LHFPL3: variants seen among roughly 807,000 people sequenced by gnomAD.
LHFPL3 encodes the protein LHFPL tetraspan subfamily member 3, also known as LHFPL tetraspan subfamily member 3 protein.
A neutral mutation model predicts 19.3 loss-of-function variants in LHFPL3; 5 were observed. The observed-to-expected ratio is 0.26, with a 90% CI of 0.14 to 0.54. The LOEUF (loss-of-function observed/expected upper bound fraction) is 0.54, where lower values mean the gene tolerates loss of function less well. LHFPL3 is among the 20% of genes least tolerant of loss of function. LHFPL3 has a pLI of 0.94. For synonymous variants in LHFPL3, 133 were observed against 126.2 expected (o/e 1.05, Z -0.36); for missense variants, 249 against 307.4 (o/e 0.81, Z 1.42).
intron 2 of LHFPL3, among the ~76,000 whole-genome samples, chr7:104,784,521 T>G (rs1479738730): frequency 6.6e-6 from 1 of 152,134 alleles, no homozygotes; most frequent in Non-Finnish European, 1.5e-5. Context: ...AAAAACCAAG[T>G]AGACTATGAA....
chr7:104,762,406 G>C (rs1043207202), intron 2 of LHFPL3, among the ~76,000 whole-genome samples: 1 of 152,150 alleles, frequency 6.6e-6, no homozygotes, highest in South Asian at 2.1e-4. Context: ...TTAGATAGCT[G>C]TGCAGGCAGG....
intron 2 of LHFPL3, among the ~76,000 whole-genome samples, chr7:104,767,338 G>T (rs1794472154): frequency 6.6e-6 from 1 of 152,228 alleles, no homozygotes; most frequent in Non-Finnish European, 1.5e-5. Flanking sequence ...TGCAAACCCA[G>T]AGGTGCCTCT....
intron 2 of LHFPL3, among the ~76,000 whole-genome samples, chr7:104,834,478 T>C (rs1008648924): frequency 1.3e-5 from 2 of 151,978 alleles, no homozygotes; most frequent in African/African-American, 4.9e-5. Flanking sequence ...TGACCTTAAA[T>C]ATTCTGAAGC....
intron 1 of LHFPL3, among the ~76,000 whole-genome samples, chr7:104,383,261 T>G (rs1452249059): frequency 6.6e-6 from 1 of 152,226 alleles, no homozygotes; most frequent in Non-Finnish European, 1.5e-5. Context: ...GTGACTCTGA[T>G]GTGGAGGTTT....
chr7:104,659,261 C>T (rs1792177810), intron 1 of LHFPL3, among the ~76,000 whole-genome samples: 1 of 152,348 alleles, frequency 6.6e-6, no homozygotes, highest in South Asian at 2.1e-4. Context: ...GCTAGTTCTG[C>T]ACCTGTCTGT....
At chr7:104,757,274 T>C (rs918854785) in intron 2 of LHFPL3, among the ~76,000 whole-genome samples, 1 of 152,084 alleles carries the variant, frequency 6.6e-6, no homozygotes, top group Non-Finnish European at 1.5e-5. Context: ...ACCTAGGAAA[T>C]ACCATCTGGA....
At chr7:104,340,020 C>G (rs768593054) in intron 1 of LHFPL3, among the ~76,000 whole-genome samples, 1 of 152,150 alleles carries the variant, frequency 6.6e-6, no homozygotes, top group African/African-American at 2.4e-5. Flanking sequence ...TAATAATAGA[C>G]TTGAGCAGTT....
chr7:104,777,563 C>T (rs987810073), intron 2 of LHFPL3, among the ~76,000 whole-genome samples: 1 of 152,168 alleles, frequency 6.6e-6, no homozygotes. Flanking sequence ...TTCTTATTTC[C>T]CTTTGCAGTT....
chr7:104,891,557 T>C (rs1373379526), intron 2 of LHFPL3, among the ~76,000 whole-genome samples: 1 of 152,172 alleles, frequency 6.6e-6, no homozygotes, highest in Non-Finnish European at 1.5e-5. Flanking sequence ...GATTTCAACA[T>C]GAGTTTCAGA....
At chr7:104,531,283 A>G (rs914249794) in intron 1 of LHFPL3, among the ~76,000 whole-genome samples, 1 of 152,210 alleles carries the variant, frequency 6.6e-6, no homozygotes, top group African/African-American at 2.4e-5. Context: ...AGCTGCAGGA[A>G]GCAGGAAGAC....
At chr7:104,660,928 G>C (rs1208036658) in intron 1 of LHFPL3, among the ~76,000 whole-genome samples, 4 of 152,188 alleles carry the variant, frequency 2.6e-5, no homozygotes, top group Admixed American at 6.5e-5. Context: ...CATCCTCATA[G>C]TATACCTAAG....
intron 2 of LHFPL3, among the ~76,000 whole-genome samples, chr7:104,876,829 A>T (rs566722711): frequency 6.6e-6 from 1 of 152,390 alleles, no homozygotes; most frequent in Admixed American, 6.5e-5. Context: ...ATGCACATGT[A>T]TGTTTATTGT....
intron 2 of LHFPL3, among the ~76,000 whole-genome samples, chr7:104,829,201 A>G (rs1162246409): frequency 6.6e-6 from 1 of 151,880 alleles, no homozygotes; most frequent in African/African-American, 2.4e-5. Context: ...TCCCTGACCA[A>G]GGGTCCTCCG....
chr7:104,696,790 G>A lies in LHFPL3; in HGVS notation c.446-39885G>A, dbSNP rs182284061. Among the ~76,000 whole-genome samples, 17 of 152,278 alleles carry A rather than the reference G, an allele frequency of 1.1e-4. 1 individual carries two copies. The highest frequency in any genetic ancestry group is 6.5e-5 in the Admixed American group (1 of 15,300). ...TCTAGACTGGAAATTTTTTTGCGGA[G>A]TTGGATTTTGAGTTGCTGTATAAAA... On this transcript the variant is annotated intron_variant, in intron 1 of 2. Transcript: ENST00000424859.
At chr7:104,536,751 T>C (rs1377480377) in intron 1 of LHFPL3, among the ~76,000 whole-genome samples, 2 of 152,214 alleles carry the variant, frequency 1.3e-5, no homozygotes, top group Non-Finnish European at 2.9e-5. Context: ...AGAGCCTTTT[T>C]GTTTGTTTCA....
chr7:104,332,822 G>C lies in LHFPL3; in HGVS notation c.445+3598G>C, dbSNP rs893361094. Among the ~76,000 whole-genome samples the C allele has an allele frequency of 3.3e-5, 5 of 152,034 alleles. No individual in the cohort carries two copies. In the East Asian group the frequency reaches 9.7e-4, roughly 29 times the overall value. On this transcript the variant is annotated intron_variant, in intron 1 of 2. Coordinates refer to ENST00000424859, the MANE Select transcript of LHFPL3 (RefSeq NM_199000.3). ...CTAATATATCATACTATCTTTGGATGTCATCCTGTATGTACAGACCATGTC... is the reference window on the plus strand; with the variant it reads ...CTAATATATCATACTATCTTTGGATCTCATCCTGTATGTACAGACCATGTC...
At chr7:104,710,902 G>A (rs958783093) in intron 1 of LHFPL3, among the ~76,000 whole-genome samples, 1 of 152,132 alleles carries the variant, frequency 6.6e-6, no homozygotes, top group Admixed American at 6.6e-5. Flanking sequence ...TCACTGGGGA[G>A]TCTGGACTCT....
intron 2 of LHFPL3, among the ~76,000 whole-genome samples, chr7:104,867,395 T>G (rs1171804683): frequency 6.6e-6 from 1 of 152,100 alleles, no homozygotes; most frequent in African/African-American, 2.4e-5. Context: ...ATAAAGGGGA[T>G]ATCACCACCA....
At chr7:104,429,454 C>T (rs1791910861) in intron 1 of LHFPL3, among the ~76,000 whole-genome samples, 1 of 151,422 alleles carries the variant, frequency 6.6e-6, no homozygotes, top group Non-Finnish European at 1.5e-5. Flanking sequence ...ATTACGGGTG[C>T]CCACAACTAT....
Sources: allele counts gnomAD v4.1 joint callset (sites outside exome capture counted in the v4.1 genomes callset), GRCh38; gene constraint gnomAD v4.1.1; transcripts MANE v1.5; gene names NCBI Gene and HGNC (gene_info 2026-07-23, HGNC 2026-07-21).